OTOF: variants seen among roughly 807,000 people sequenced by gnomAD.
OTOF encodes otoferlin, also known as fer-1-like family member 2.
Under a neutral mutation model 236.8 loss-of-function variants are expected in OTOF, and 218 were observed. The ratio of observed to expected loss-of-function variants is 0.92; its 90% CI spans 0.82 to 1.03. The LOEUF (loss-of-function observed/expected upper bound fraction) is 1.03. OTOF is among the 50% of genes least tolerant of loss of function. The pLI, the probability that OTOF is intolerant of heterozygous loss-of-function variation, is 0.00. For synonymous variants in OTOF, 1,041 were observed against 1,072.5 expected (o/e 0.97, Z 0.57); for missense variants, 2,590 against 2,694.4 (o/e 0.96, Z 0.86).
chr2:26,543,090 G>T (rs370924828), intron 1 of OTOF, among the ~76,000 whole-genome samples: 22 of 152,130 alleles, frequency 1.4e-4, no homozygotes, highest in East Asian at 5.8e-4. Context: ...CTCCCACAAA[G>T]CTCCCATGTC....
rs759273810 is a variant in OTOF at position 26,501,801 on chromosome 2, G to T, written c.718C>A (p.Pro240Thr). ...GCACTTGGCTCCATCTTAATGTCTG[G>T]CTTAGATCTGAGGAAGAGAATGTAC... is the stretch of plus-strand genomic sequence containing the variant. ...TTNVSNKRSK[P>T]DIKMEPSAGR... Residue 240 changes from proline to threonine, a missense_variant, in exon 8 of 47, where the codon CCA becomes ACA. Physicochemically the swap from Pro to Thr is conservative, Grantham distance 38. Coordinates refer to ENST00000272371, the MANE Select transcript of OTOF (RefSeq NM_194248.3). The T allele has an allele frequency of 6.2e-7, 1 of 1,613,278 alleles. No individual in the cohort carries two copies. The highest frequency in any genetic ancestry group is 2.2e-5 in the East Asian group (1 of 44,874).
chr2:26,504,952 G>C (rs995835424), intron 5 of OTOF, among the ~76,000 whole-genome samples: 8 of 152,168 alleles, frequency 5.3e-5, no homozygotes, highest in African/African-American at 1.9e-4. Flanking sequence ...CCCTGTGGAG[G>C]CTTGACTATG....
At chr2:26,493,955 T>C (rs1665912009) in intron 9 of OTOF, among the ~76,000 whole-genome samples, 1 of 152,226 alleles carries the variant, frequency 6.6e-6, no homozygotes, top group Admixed American at 6.5e-5. Context: ...ACTTTCGCTG[T>C]TCTTCATGCC....
At chr2:26,489,802 T>A in intron 9 of OTOF, 62 bp from the exon 10 acceptor site, 1 of 1,302,924 alleles carries the variant, frequency 7.7e-7, no homozygotes, top group Non-Finnish European at 1.1e-6. Flanking sequence ...CCAGGCAGTG[T>A]TGGGCCCCTC....
chr2:26,532,092 C>CAAAAAAAAAAAAAAAAA (rs150580671), intron 2 of OTOF, among the ~76,000 whole-genome samples: 16 of 80,192 alleles, frequency 2.0e-4, no homozygotes, highest in African/African-American at 1.0e-3. Context: ...GACTCCACCT[C>CAAAAAAAAAAAAAAAAA]AAAAAAAAAA....
Position 26,465,760 on chromosome 2 carries a change from C to G in OTOF, c.4711G>C (p.Asp1571His), listed in dbSNP as rs763858208. 6.2e-7 allele frequency: 1 copy of G among 1,614,136 alleles called. No homozygotes were observed. The highest frequency in any genetic ancestry group is 8.5e-7 in the Non-Finnish European group (1 of 1,180,058). ...TCGATCTTGGTTTCCCCAATGAGGT[C>G]ATCAGTGCCCACCAGGTCCCAGTCA... ...VYDWDLVGTD[D>H]LIGETKIDLE... The change falls in exon 38 of 47, where the codon GAC becomes CAC. Residue 1571 changes from aspartate (D) to histidine (H), a missense_variant. Asp to His is a moderately conservative substitution (Grantham distance 81). This residue lies in a region of OTOF where 1,211 missense variants were observed against 1,352.8 expected (regional missense o/e 0.90). Coordinates refer to ENST00000272371, the MANE Select transcript of OTOF (RefSeq NM_194248.3).
intron 8 of OTOF, among the ~76,000 whole-genome samples, chr2:26,500,313 T>C (rs1666085965): frequency 6.6e-6 from 1 of 152,218 alleles, no homozygotes; most frequent in African/African-American, 2.4e-5. Flanking sequence ...CATATATAGC[T>C]CCTAGCACAG....
rs1414743154 is a variant in OTOF, at chr2:26,479,574, T to C, written c.1992A>G (p.Glu664=). The change falls in exon 17 of 47, where the codon GAA becomes GAG. Residue 664 remains glutamate (E), a synonymous_variant. Transcript: ENST00000272371. ...RPRKEPGDEE[E]VDLIQNASDD... is the part of the protein sequence containing the mutation. ...CACTTGCGTTCTGAATCAGGTCTAC[T>C]TCTTCCTCATCCCCCGGCTCCTTCC... The C allele has an allele frequency of 6.2e-7, 1 of 1,612,720 alleles. No homozygotes were observed. The highest frequency in any genetic ancestry group is 1.7e-4 in the Middle Eastern group (1 of 6,058).
chr2:26,473,017 AC>A lies in OTOF; in HGVS notation c.3733+114del. The A allele has an allele frequency of 8.6e-7, 1 of 1,158,716 alleles. No individual in the cohort carries two copies. Among genetic ancestry groups the A allele is most frequent in the Non-Finnish European group, 1.2e-6 (1 of 815,770 alleles). The allele number at this position is 1,158,716 out of a possible 1,614,324, so 71.8% of individuals were successfully genotyped here. A position where few individuals can be genotyped will look rare whatever the true frequency, so the allele number is the denominator to read the frequency against. On this transcript the variant is annotated intron_variant, in intron 29 of 46. Transcript: ENST00000272371. This position sits in a 1 kb window ranked among gnomAD's most constrained non-coding sequence, Gnocchi z 7.2. ...ACCAGGGTGACCTTCTTCTATGCCC[AC>A]CCCCTCGGCCCCAAAGAGCAAACTC...
intron 8 of OTOF, among the ~76,000 whole-genome samples, chr2:26,499,312 C>T (rs540991681): frequency 6.6e-6 from 1 of 152,178 alleles, no homozygotes; most frequent in South Asian, 2.1e-4. Flanking sequence ...CCTTTTACCT[C>T]CAGGCTTCTT....
chr2:26,491,255 G>A (rs935119294), intron 9 of OTOF, among the ~76,000 whole-genome samples: 5 of 152,266 alleles, frequency 3.3e-5, no homozygotes, highest in African/African-American at 1.2e-4. Flanking sequence ...AATGTCCTTG[G>A]TGACCTTGAG....
intron 1 of OTOF, among the ~76,000 whole-genome samples, chr2:26,543,061 C>T (rs1667245174): frequency 6.6e-6 from 1 of 152,206 alleles, no homozygotes; most frequent in South Asian, 2.1e-4. Context: ...GTACAAAGCT[C>T]AGCAAATAGT....
intron 1 of OTOF, among the ~76,000 whole-genome samples, chr2:26,544,868 T>G (rs1340586337): frequency 6.8e-6 from 1 of 148,118 alleles, no homozygotes; most frequent in Admixed American, 6.6e-5. Flanking sequence ...AAACCCTGTC[T>G]CTACTAAAAA....
intron 13 of OTOF, 77 bp from the exon 14 acceptor site, chr2:26,482,669 GCATGTGTGCGTGAGTGGGCA>G (rs1466308064): frequency 5.7e-5 from 72 of 1,252,600 alleles, no homozygotes; most frequent in Non-Finnish European, 7.5e-5. Flanking sequence ...GTGAGTGGGC[GCATGTGTGCGTGAGTGGGCA>G]CATGTGTGCA....
chr2:26,490,343 G>A (rs1166854117), intron 9 of OTOF, among the ~76,000 whole-genome samples: 2 of 152,204 alleles, frequency 1.3e-5, no homozygotes, highest in Admixed American at 6.5e-5. Context: ...GTAAAATAAC[G>A]CAAGCCTCAG....
intron 9 of OTOF, among the ~76,000 whole-genome samples, chr2:26,493,514 G>A (rs1040954907): frequency 6.6e-6 from 1 of 152,218 alleles, no homozygotes; most frequent in Non-Finnish European, 1.5e-5. Flanking sequence ...AGTCTGATGT[G>A]TGATCAGGCA....
chr2:26,459,817 A>T (rs1470568273), intron 46 of OTOF, among the ~76,000 whole-genome samples, 191 bp downstream of exon 46: 1 of 152,160 alleles, frequency 6.6e-6, no homozygotes, highest in East Asian at 1.9e-4. Context: ...GTGTGGGCTT[A>T]AGTGTGTGCC....
At position 26,462,323 on chromosome 2, in the gene OTOF, T is replaced by G. The variant is rs1572402116; in HGVS notation, c.5193-142A>C. Reference sequence around the variant, plus strand: ...CTGGGCCAGGCTGGGGCTGGAGGAGTGGTTTGGGGTTGGGGGAGCAGAGGC... The same window carrying G: ...CTGGGCCAGGCTGGGGCTGGAGGAGGGGTTTGGGGTTGGGGGAGCAGAGGC... On this transcript the variant is annotated intron_variant, in intron 41 of 46. Transcript: ENST00000272371. The surrounding 1 kb of genome is among the most constrained non-coding windows in gnomAD (Gnocchi z 4.7). 2.7e-6 allele frequency: 2 copies of G among 730,898 alleles called. No homozygotes were observed. Among genetic ancestry groups the G allele is most frequent in the Admixed American group, 3.9e-5 (2 of 50,718 alleles). The allele number at this position is 730,898 out of a possible 1,614,324, so 45.3% of individuals were successfully genotyped here. A position where few individuals can be genotyped will look rare whatever the true frequency, so the allele number is the denominator to read the frequency against.
intron 11 of OTOF, among the ~76,000 whole-genome samples, chr2:26,487,383 G>A (rs1665726189): frequency 6.6e-6 from 1 of 152,118 alleles, no homozygotes; most frequent in South Asian, 2.1e-4. Context: ...TTCAGCAGAA[G>A]CAGCAAATCT....
Sources: allele counts gnomAD v4.1 joint callset (sites outside exome capture counted in the v4.1 genomes callset), GRCh38; gene constraint gnomAD v4.1.1; regional missense constraint gnomAD v4.1.1; non-coding constraint Gnocchi (gnomAD v3.1); transcripts MANE v1.5; gene names NCBI Gene and HGNC (gene_info 2026-07-23, HGNC 2026-07-21).